The following IL3RA variants were observed in gnomAD, a reference collection of about 807,000 sequenced individuals.
The protein encoded by IL3RA is interleukin 3 receptor subunit alpha, also known as interleukin-3 receptor subunit alpha.
IL3RA carries 73 observed loss-of-function variants against 52.3 expected under a neutral mutation model. The observed-to-expected ratio is 1.40, with a 90% CI of 1.16 to 1.70. The LOEUF (loss-of-function observed/expected upper bound fraction) is 1.70, where lower values mean the gene tolerates loss of function less well. IL3RA is among the 40% of genes most tolerant of loss of function. The pLI is 0.00. For missense variants in IL3RA, 664 were observed against 504.4 expected, an observed-to-expected ratio of 1.32 and a Z score of -3.03; for synonymous variants, 260 against 194.0, an observed-to-expected ratio of 1.34 and a Z score of -2.83.
intron 6 of IL3RA, 32 bp from the exon 7 acceptor site, chrX:1,356,189 C>T: frequency 9.2e-7 from 1 of 1,087,224 alleles, no homozygotes; most frequent in East Asian, 2.4e-5. Context: ...TCTTGTACTC[C>T]TAAATCCTAA....
At position 1,345,335 on chromosome X, in the gene IL3RA, G is replaced by A. The variant is rs755954292; in HGVS notation, c.84G>A (p.Thr28=). 64 of 1,609,410 alleles carry A rather than the reference G, an allele frequency of 4.0e-5. No individual in the cohort carries two copies. The Middle Eastern group carries it at 6.6e-4, about 17-fold the overall frequency. The part of the protein sequence containing the change: ...QTKEDPNPPI[T]NLRMKAKAQQ... ...TTTTAGATCCAAACCCACCAATCACGAACCTAAGGATGAAAGCAAAGGCTC... is the reference window on the plus strand; with the variant it reads ...TTTTAGATCCAAACCCACCAATCACAAACCTAAGGATGAAAGCAAAGGCTC... The change falls in exon 3 of 12, where the codon ACG becomes ACA. Residue 28 remains threonine (T), a synonymous_variant. Transcript: ENST00000331035.
At chrX:1,352,844 C>T (rs768897600) in intron 6 of IL3RA, among the ~76,000 whole-genome samples, 1 of 151,742 alleles carries the variant, frequency 6.6e-6, no homozygotes, top group African/African-American at 2.4e-5. Flanking sequence ...GACCCCCCAT[C>T]ATGGGTTCCA....
chrX:1,363,623 T>TG (rs1433050608), intron 8 of IL3RA, among the ~76,000 whole-genome samples: 1 of 151,632 alleles, frequency 6.6e-6, no homozygotes, highest in Non-Finnish European at 1.5e-5. Context: ...TGTAAGGAGC[T>TG]GGGGGCTAAG....
intron 8 of IL3RA, among the ~76,000 whole-genome samples, chrX:1,361,919 A>G (rs1457776487): frequency 1.8e-4 from 28 of 151,948 alleles, no homozygotes; most frequent in Admixed American, 1.8e-3. Flanking sequence ...CGTGGGAGTT[A>G]TAAGGGCTAC....
chrX:1,362,568 T>G (rs1211500060), intron 8 of IL3RA, among the ~76,000 whole-genome samples: 2 of 152,050 alleles, frequency 1.3e-5, no homozygotes, highest in African/African-American at 2.4e-5. Context: ...TGTGTCTCTT[T>G]GTATCTCTTT....
At chrX:1,364,276 G>C (rs1384156027) in intron 8 of IL3RA, among the ~76,000 whole-genome samples, 1 of 152,008 alleles carries the variant, frequency 6.6e-6, no homozygotes, top group Admixed American at 6.6e-5. Flanking sequence ...TGGATCACCG[G>C]AGGTTGGGAG....
At chrX:1,362,355 C>G (rs2087501048) in intron 8 of IL3RA, among the ~76,000 whole-genome samples, 1 of 151,234 alleles carries the variant, frequency 6.6e-6, no homozygotes, top group African/African-American at 2.4e-5. Flanking sequence ...CTGTCTCTCT[C>G]TGTCCATCAC....
chrX:1,350,494 C>T (rs1455985089), intron 4 of IL3RA, among the ~76,000 whole-genome samples: 1 of 150,224 alleles, frequency 6.7e-6, no homozygotes, highest in African/African-American at 2.4e-5. Context: ...GAGGCTGAGG[C>T]AGGAGAATCA....
rs778542290 is a variant in IL3RA at position 1,380,207 on chromosome X, T to C, written c.981-816T>C. On this transcript the variant is annotated intron_variant, in intron 10 of 11. Coordinates refer to ENST00000331035, the MANE Select transcript of IL3RA (RefSeq NM_002183.4). ...CCATGCCCAGATAATTTTGTATTTT[T>C]AGTAGAGATGGAGTTTCTCCATGTT... Among the ~76,000 whole-genome samples the C allele has an allele frequency of 2.0e-4, 28 of 139,738 alleles. No individual in the cohort carries two copies. In the South Asian group the frequency reaches 6.5e-3, roughly 33 times the overall value. 91.7% of individuals were successfully genotyped at this position (139,738 alleles called of 152,430 possible).
At chrX:1,346,174 A>G (rs1350535408) in intron 3 of IL3RA, among the ~76,000 whole-genome samples, 4 of 151,876 alleles carry the variant, frequency 2.6e-5, no homozygotes. Flanking sequence ...TTAGCCGGGC[A>G]CAGTGGCTCA....
At chrX:1,337,950 C>G (rs1351075081) in intron 1 of IL3RA, among the ~76,000 whole-genome samples, 1 of 146,852 alleles carries the variant, frequency 6.8e-6, no homozygotes, top group Non-Finnish European at 1.5e-5. Context: ...TGAAAAGGAA[C>G]AAGCAGCTTT....
At chrX:1,378,182 C>CAAAAAAAAAAAAA (rs370693489) in intron 9 of IL3RA, among the ~76,000 whole-genome samples, 1 of 86,302 alleles carries the variant, frequency 1.2e-5, no homozygotes, top group Non-Finnish European at 2.5e-5. Flanking sequence ...GACTCCATCT[C>CAAAAAAAAAAAAA]AAAAAAAAAA....
intron 8 of IL3RA, among the ~76,000 whole-genome samples, chrX:1,359,574 CT>C (rs1361072683): frequency 1.9e-4 from 28 of 150,330 alleles, no homozygotes; most frequent in East Asian, 5.9e-4. Flanking sequence ...GTGTCTATCT[CT>C]CCCTGTCCCC....
chrX:1,363,572 G>A (rs1263591153), intron 8 of IL3RA, among the ~76,000 whole-genome samples: 1 of 150,902 alleles, frequency 6.6e-6, no homozygotes, highest in Non-Finnish European at 1.5e-5. Flanking sequence ...ACAGGCGTGA[G>A]CCACCGCGCC....
intron 6 of IL3RA, among the ~76,000 whole-genome samples, chrX:1,353,508 GGGTTCCACATGGGATCCCTCATCATT>G (rs1333847819): frequency 1.3e-5 from 2 of 148,424 alleles, no homozygotes; most frequent in African/African-American, 5.1e-5. Context: ...CCCCCATCAT[GGGTTCCACATGGGATCCCTCATCATT>G]GGTTCCATCA....
At chrX:1,345,166 G>A (rs2085684287) in intron 2 of IL3RA, 150 bp from the exon 3 acceptor site, 2 of 535,194 alleles carry the variant, frequency 3.7e-6, no homozygotes, top group Non-Finnish European at 6.7e-6. Context: ...GAAACTCCAT[G>A]TCAAAAAATT....
intron 8 of IL3RA, among the ~76,000 whole-genome samples, chrX:1,360,540 C>T (rs149546813): frequency 1.8e-3 from 268 of 151,796 alleles, no homozygotes; most frequent in Non-Finnish European, 2.3e-3. Context: ...CTTTTTGAAA[C>T]GGAGTTTTTC....
rs766037720 is a variant in IL3RA, at chrX:1,382,428, G to A, written c.1100G>A (p.Cys367Tyr). Residue 367 changes from cysteine to tyrosine, a missense_variant, in exon 12 of 12, where the codon TGT (cysteine) becomes TAT (tyrosine). Physicochemically the swap from Cys to Tyr is radical, Grantham distance 194. Transcript: ENST00000331035. ...WEAGKAGLEE[C>Y]LVTEVQVVQK... ...GCGGGCAAAGCCGGCCTGGAGGAGT[G>A]TCTGGTGACTGAAGTACAGGTCGTG... The A allele has an allele frequency of 1.2e-6, 2 of 1,613,788 alleles. No individual in the cohort carries two copies. Among genetic ancestry groups the A allele is most frequent in the Non-Finnish European group, 1.7e-6 (2 of 1,179,836 alleles).
At chrX:1,345,213 G>C (rs1446031805) in intron 2 of IL3RA, 103 bp from the exon 3 acceptor site, 1 of 663,290 alleles carries the variant, frequency 1.5e-6, no homozygotes, top group African/African-American at 2.0e-5. Context: ...CCTCCCAAAG[G>C]TATTGGCTAA....
Sources: allele counts gnomAD v4.1 joint callset (sites outside exome capture counted in the v4.1 genomes callset), GRCh38; gene constraint gnomAD v4.1.1; transcripts MANE v1.5; gene names NCBI Gene and HGNC (gene_info 2026-07-23, HGNC 2026-07-21).